Variants in LRP1B observed in about 807,000 individuals in gnomAD.
LRP1B encodes LDL receptor related protein 1B, also known as low-density lipoprotein receptor-related protein 1B.
Under a neutral mutation model 556.6 loss-of-function variants are expected in LRP1B, and 217 were observed. The ratio of observed to expected loss-of-function variants is 0.39; its 90% confidence interval spans 0.35 to 0.44. LRP1B has a LOEUF of 0.44. Ranked by LOEUF, LRP1B falls within the 20% of genes least tolerant of loss-of-function variation. The pLI is 1.00. For synonymous variants in LRP1B, 2,047 were observed against 1,865.8 expected, an observed-to-expected ratio of 1.10 and a Z score of -2.50; for missense variants, 5,053 against 5,620.8, an observed-to-expected ratio of 0.90 and a Z score of 3.23.
At chr2:140,546,605 GC>G (rs1356217446) in intron 43 of LRP1B, among the ~76,000 whole-genome samples, 1 of 152,076 alleles carries the variant, frequency 6.6e-6, no homozygotes, top group Non-Finnish European at 1.5e-5. Flanking sequence ...CATGAGAACA[GC>G]ATGGAGGTAA....
At chr2:141,383,820 G>A (rs1418503812) in intron 3 of LRP1B, among the ~76,000 whole-genome samples, 1 of 152,160 alleles carries the variant, frequency 6.6e-6, no homozygotes, top group Non-Finnish European at 1.5e-5. Context: ...CATAGAAGCA[G>A]AGAGTAGAAC....
chr2:140,316,834 A>C (rs1320861222), intron 82 of LRP1B, among the ~76,000 whole-genome samples: 1 of 152,150 alleles, frequency 6.6e-6, no homozygotes, highest in African/African-American at 2.4e-5. Flanking sequence ...TGAAAATTTG[A>C]CTTCAGCCCT....
At chr2:140,369,583 T>C (rs1284405742) in intron 71 of LRP1B, among the ~76,000 whole-genome samples, 1 of 151,750 alleles carries the variant, frequency 6.6e-6, no homozygotes, top group Non-Finnish European at 1.5e-5. Context: ...GTCTCTATTA[T>C]AAATGGCAAA....
At chr2:141,301,793 C>T (rs894879402) in intron 3 of LRP1B, among the ~76,000 whole-genome samples, 6 of 152,040 alleles carry the variant, frequency 3.9e-5, no homozygotes, top group South Asian at 2.1e-4. Flanking sequence ...TGGAAGGAGC[C>T]GGCAGCATTT....
At chr2:142,056,924 T>C (rs1704695997) in intron 1 of LRP1B, among the ~76,000 whole-genome samples, 1 of 43,672 alleles carries the variant, frequency 2.3e-5, no homozygotes, top group Non-Finnish European at 6.4e-5. Context: ...TTATACTCTG[T>C]TACCTTTTCA....
At chr2:141,798,923 GA>G (rs1331190103) in intron 2 of LRP1B, among the ~76,000 whole-genome samples, 1 of 151,748 alleles carries the variant, frequency 6.6e-6, no homozygotes, top group Non-Finnish European at 1.5e-5. Context: ...GTGCCCTTGT[GA>G]GAAGATGAGA....
chr2:141,586,299 T>C (rs1687133665), intron 2 of LRP1B, among the ~76,000 whole-genome samples: 1 of 152,196 alleles, frequency 6.6e-6, no homozygotes, highest in African/African-American at 2.4e-5. Flanking sequence ...TTGGATAGAT[T>C]CTTAGCATCA....
rs375164688 is a variant in LRP1B at position 141,227,278 on chromosome 2, T to G, written c.850+1905A>C. Among the ~76,000 whole-genome samples the G allele has an allele frequency of 1.5e-4, 23 of 152,334 alleles. 1 individual carries two copies. The highest frequency in any genetic ancestry group is 1.0e-3 in the Admixed American group (16 of 15,280). On this transcript the variant is annotated intron_variant, in intron 6 of 90. Transcript: ENST00000389484. ...AAGTACGCTCAGAAAATAATTCTAC[T>G]GCGCAACTTAGTGAATATTTTAGCT...
rs529756155 is a variant in LRP1B, at chr2:140,529,227, A to G, written c.7763-2877T>C. 2.6e-5 allele frequency among the ~76,000 whole-genome samples: 4 copies of G among 152,182 alleles called. No individual in the cohort carries two copies. In the East Asian group the frequency reaches 7.8e-4, roughly 30 times the overall value. ...GATCAAAAGTAGCAGCAAGAGAGAA[A>G]GTAAAACCACTCTCTCTAATATACT... On this transcript the variant is annotated intron_variant, in intron 47 of 90. Transcript: ENST00000389484.
At chr2:141,660,307 T>G (rs1024498610) in intron 2 of LRP1B, among the ~76,000 whole-genome samples, 3 of 152,082 alleles carry the variant, frequency 2.0e-5, no homozygotes, top group Non-Finnish European at 4.4e-5. Flanking sequence ...TTCCATGGAT[T>G]TGTGCAACCC....
chr2:141,159,295 G>C (rs1379354330), intron 7 of LRP1B, among the ~76,000 whole-genome samples: 1 of 152,170 alleles, frequency 6.6e-6, no homozygotes, highest in South Asian at 2.1e-4. Context: ...GAGGAGGAAA[G>C]AATTGGAAGG....
chr2:141,444,420 C>T (rs1159255975), intron 3 of LRP1B, among the ~76,000 whole-genome samples: 1 of 151,710 alleles, frequency 6.6e-6, no homozygotes, highest in East Asian at 1.9e-4. Context: ...AATACGCTTT[C>T]TTTCACTTGC....
In LRP1B at chr2:140,525,945, C is replaced by A. The variant is rs1158761671; in HGVS notation, c.7925G>T (p.Gly2642Val). 2 of 1,612,218 alleles carry A rather than the reference C, an allele frequency of 1.2e-6. No individual in the cohort carries two copies. The highest frequency in any genetic ancestry group is 1.7e-6 in the Non-Finnish European group (2 of 1,178,842). The change falls in exon 49 of 91, where the codon GGG (glycine) becomes GTG (valine). Residue 2642 changes from glycine to valine, a missense_variant. Gly to Val is a moderately radical substitution (Grantham distance 109). Transcript: ENST00000389484. ...TGAGGTAGAATTACATCTTATGAAC[C>A]CTGTGGTTTTCACTCCAAGCTTATA... Reference protein sequence around the residue: ...HFYKLGVKTTGFIRCNSTSLC... With the variant: ...HFYKLGVKTTVFIRCNSTSLC...
chr2:141,653,510 T>C (rs1396114593), intron 2 of LRP1B, among the ~76,000 whole-genome samples: 3 of 152,226 alleles, frequency 2.0e-5, no homozygotes, highest in South Asian at 2.1e-4. Flanking sequence ...TAAATGTGTG[T>C]CCTATAATAT....
intron 3 of LRP1B, among the ~76,000 whole-genome samples, chr2:141,335,113 G>A (rs778184246): frequency 1.3e-5 from 2 of 152,142 alleles, no homozygotes; most frequent in Non-Finnish European, 2.9e-5. Flanking sequence ...ACATAGCAGT[G>A]AAATAGCTAC....
intron 1 of LRP1B, among the ~76,000 whole-genome samples, chr2:142,097,344 T>C (rs1706412081): frequency 6.6e-6 from 1 of 151,610 alleles, no homozygotes. Context: ...CTATTTCAAA[T>C]ATGAGAAAGG....
chr2:141,969,598 G>A (rs1345834990), intron 1 of LRP1B, among the ~76,000 whole-genome samples: 1 of 151,416 alleles, frequency 6.6e-6, no homozygotes, highest in African/African-American at 2.4e-5. Context: ...CTTTTTAAAG[G>A]CTGAATAGTA....
At position 140,840,931 on chromosome 2, in the gene LRP1B, G is replaced by T; in HGVS notation, c.5101C>A (p.His1701Asn). The change falls in exon 30 of 91, where the codon CAC becomes AAC. Residue 1701 changes from histidine (H) to asparagine (N), a missense_variant. Physicochemically the swap from His to Asn is moderately conservative, Grantham distance 68 (BLOSUM62 1). Coordinates refer to ENST00000389484, the MANE Select transcript of LRP1B (RefSeq NM_018557.3). ...GIDKPQCLAA[H>N]PVRGKLYWTD... ...ATCATACTTTACCCCCTGACTGGGTGAGCTGCAAGACACTGTGGCTTATCG... is the reference window on the plus strand; with the variant it reads ...ATCATACTTTACCCCCTGACTGGGTTAGCTGCAAGACACTGTGGCTTATCG... The T allele has an allele frequency of 1.2e-6, 2 of 1,603,292 alleles. No individual in the cohort carries two copies. The highest frequency in any genetic ancestry group is 2.3e-5 in the South Asian group (2 of 88,338).
At chr2:141,014,170 A>G (rs1312854021) in intron 13 of LRP1B, among the ~76,000 whole-genome samples, 1 of 152,120 alleles carries the variant, frequency 6.6e-6, no homozygotes, top group Non-Finnish European at 1.5e-5. Flanking sequence ...TCCAATAACC[A>G]ACAAATAGAA....
Sources: allele counts gnomAD v4.1 joint callset (sites outside exome capture counted in the v4.1 genomes callset), GRCh38; gene constraint gnomAD v4.1.1; transcripts MANE v1.5; gene names NCBI Gene and HGNC (gene_info 2026-07-23, HGNC 2026-07-21).